Variants in POLR3B observed in about 807,000 individuals in gnomAD.
The protein encoded by POLR3B is RNA polymerase III subunit B, also known as DNA-directed RNA polymerase III subunit RPC2.
A neutral mutation model predicts 147.4 loss-of-function variants in POLR3B; 96 were observed. The ratio of observed to expected loss-of-function variants is 0.65; its 90% confidence interval spans 0.55 to 0.77. POLR3B has a LOEUF of 0.77. POLR3B is among the 30% of genes least tolerant of loss of function. The pLI, the probability that POLR3B is intolerant of heterozygous loss-of-function variation, is 0.00. For missense variants in POLR3B, 1,036 were observed against 1,413.5 expected, an observed-to-expected ratio of 0.73 and a Z score of 4.28; for synonymous variants, 461 against 485.9, an observed-to-expected ratio of 0.95 and a Z score of 0.67.
intron 23 of POLR3B, among the ~76,000 whole-genome samples, chr12:106,479,856 C>T (rs2038242507): frequency 8.6e-6 from 1 of 116,264 alleles, no homozygotes; most frequent in African/African-American, 3.3e-5. Flanking sequence ...CTCTGTCACC[C>T]AGGCTGGAGT....
At chr12:106,457,347 T>C in intron 21 of POLR3B, 51 bp downstream of exon 21, 1 of 1,428,184 alleles carries the variant, frequency 7.0e-7, no homozygotes, top group South Asian at 1.2e-5. Context: ...CATCATATGT[T>C]ATTCAATAAT....
intron 26 of POLR3B, among the ~76,000 whole-genome samples, chr12:106,503,473 C>A (rs998738568): frequency 2.6e-5 from 4 of 152,130 alleles, no homozygotes; most frequent in Non-Finnish European, 4.4e-5. Flanking sequence ...TGATCCATGC[C>A]TACATGGGGT....
intron 23 of POLR3B, among the ~76,000 whole-genome samples, chr12:106,470,804 A>G (rs2038080331): frequency 6.6e-6 from 1 of 151,946 alleles, no homozygotes; most frequent in South Asian, 2.1e-4. Flanking sequence ...AATAGCAAAT[A>G]TTGCTGCCCG....
rs554181109 is a variant in POLR3B at position 106,365,965 on chromosome 12, C to T, written c.106-551C>T. 9.0e-4 allele frequency among the ~76,000 whole-genome samples: 137 copies of T among 152,222 alleles called. 1 individual carries two copies. The highest frequency in any genetic ancestry group is 3.1e-3 in the African/African-American group (130 of 41,534). ...CTGTCTTCCATCTCCATGCCTTGTC[C>T]CACTGGAGGGTCTTCATGGACAGTA... On this transcript the variant is annotated intron_variant, in intron 2 of 27. Transcript: ENST00000228347.
At chr12:106,387,399 T>C (rs2036855566) in intron 9 of POLR3B, among the ~76,000 whole-genome samples, 1 of 152,220 alleles carries the variant, frequency 6.6e-6, no homozygotes, top group Non-Finnish European at 1.5e-5. Context: ...AGGATGACTG[T>C]TATACATACC....
Position 106,358,097 on chromosome 12 carries a change from C to T in POLR3B, c.72+146C>T, listed in dbSNP as rs17285274. The T allele has an allele frequency of 0.21, 321,375 of 1,517,250 alleles. 35,179 individuals are homozygous for T. The highest frequency in any genetic ancestry group is 0.22 in the Non-Finnish European group (254,041 of 1,137,892). The allele number at this position is 1,517,250 out of a possible 1,614,324, so 94.0% of individuals were successfully genotyped here. A position where few individuals can be genotyped will look rare whatever the true frequency, so the allele number is the denominator to read the frequency against. On this transcript the variant is annotated intron_variant, in intron 1 of 27. Coordinates refer to ENST00000228347, the MANE Select transcript of POLR3B (RefSeq NM_018082.6). ...GCGCATGCCCAGAGCGTCGCGCTTG[C>T]GAGTCTTTTTTCCAGAGCCGGCCTC...
chr12:106,411,782 A>G (rs2037231264), intron 12 of POLR3B, among the ~76,000 whole-genome samples: 1 of 152,196 alleles, frequency 6.6e-6, no homozygotes, highest in Non-Finnish European at 1.5e-5. Context: ...GATAAATGAC[A>G]TTTTATTTCA....
chr12:106,437,119 C>T lies in POLR3B; in HGVS notation c.1844C>T (p.Ala615Val). The change falls in exon 17 of 28, where the codon GCC (alanine) becomes GTC (valine). Residue 615 changes from alanine to valine, a missense_variant. By Grantham distance (64) the Ala-to-Val change is moderately conservative (BLOSUM62 0). Coordinates refer to ENST00000228347, the MANE Select transcript of POLR3B (RefSeq NM_018082.6). Reference protein sequence around the residue: ...AVTNKHMEELAQGYRNFEDFL... With the variant: ...AVTNKHMEELVQGYRNFEDFL... ...ACAAATAAACATATGGAAGAGCTGG[C>T]CCAAGGGTACAGGTAAGTAGCCAAA... 1.9e-6 allele frequency: 3 copies of T among 1,612,164 alleles called. No homozygotes were observed. Among genetic ancestry groups the T allele is most frequent in the South Asian group, 1.1e-5 (1 of 90,902 alleles).
intron 9 of POLR3B, among the ~76,000 whole-genome samples, chr12:106,381,197 A>G (rs1459980614): frequency 6.6e-6 from 1 of 152,220 alleles, no homozygotes; most frequent in East Asian, 1.9e-4. Flanking sequence ...AAAATAAGAC[A>G]TCAGTGAAGT....
At chr12:106,427,028 A>G (rs1170202736) in intron 12 of POLR3B, among the ~76,000 whole-genome samples, 169 bp from the exon 13 acceptor site, 1 of 152,152 alleles carries the variant, frequency 6.6e-6, no homozygotes, top group Non-Finnish European at 1.5e-5. Flanking sequence ...TTAAGCACAT[A>G]GAAAATTATG....
At chr12:106,415,130 T>G (rs1188187237) in intron 12 of POLR3B, among the ~76,000 whole-genome samples, 1 of 152,158 alleles carries the variant, frequency 6.6e-6, no homozygotes, top group Non-Finnish European at 1.5e-5. Flanking sequence ...GCCTTCAACT[T>G]CAGTGTAACC....
intron 9 of POLR3B, among the ~76,000 whole-genome samples, chr12:106,389,637 C>A (rs1167088997): frequency 1.3e-5 from 2 of 151,480 alleles, no homozygotes; most frequent in Non-Finnish European, 2.9e-5. Context: ...TGGCATTGTC[C>A]TTATCCTTAT....
intron 27 of POLR3B, chr12:106,507,679 G>A (rs905794496): frequency 1.6e-5 from 7 of 437,366 alleles, no homozygotes; most frequent in Non-Finnish European, 2.3e-5. Context: ...AGCACCCTGC[G>A]TCCCCTCATC....
intron 22 of POLR3B, among the ~76,000 whole-genome samples, chr12:106,461,674 T>A (rs924677827): frequency 6.6e-6 from 1 of 152,206 alleles, no homozygotes; most frequent in African/African-American, 2.4e-5. Context: ...TAAATAGTTA[T>A]GTGAATGAAT....
chr12:106,445,109 T>G (rs71452911), intron 19 of POLR3B, among the ~76,000 whole-genome samples: 3 of 152,220 alleles, frequency 2.0e-5, no homozygotes, highest in African/African-American at 7.2e-5. Flanking sequence ...GAGTTTATTT[T>G]CCTTCCTCTT....
At chr12:106,386,823 C>A (rs563130014) in intron 9 of POLR3B, among the ~76,000 whole-genome samples, 3 of 152,018 alleles carry the variant, frequency 2.0e-5, no homozygotes, top group African/African-American at 4.8e-5. Context: ...AGGAGAATGG[C>A]GTGAACCTGG....
intron 19 of POLR3B, among the ~76,000 whole-genome samples, chr12:106,450,019 T>C (rs755344869): frequency 4.6e-5 from 7 of 152,152 alleles, no homozygotes; most frequent in Non-Finnish European, 2.9e-5. Context: ...AGTAATACAG[T>C]ATGATGTTGA....
At chr12:106,385,864 T>A (rs1041254599) in intron 9 of POLR3B, among the ~76,000 whole-genome samples, 1 of 152,222 alleles carries the variant, frequency 6.6e-6, no homozygotes, top group African/African-American at 2.4e-5. Flanking sequence ...TTCAGGATGA[T>A]GATGATGATA....
intron 10 of POLR3B, among the ~76,000 whole-genome samples, chr12:106,397,856 T>A (rs530261946): frequency 6.6e-6 from 1 of 152,334 alleles, no homozygotes; most frequent in East Asian, 1.9e-4. Context: ...AAGAATAGAA[T>A]TGCTGTTAAG....
Sources: allele counts gnomAD v4.1 joint callset (sites outside exome capture counted in the v4.1 genomes callset), GRCh38; gene constraint gnomAD v4.1.1; transcripts MANE v1.5; gene names NCBI Gene and HGNC (gene_info 2026-07-23, HGNC 2026-07-21).